KLF13: variants seen among roughly 807,000 people sequenced by gnomAD.
KLF13 encodes the protein KLF transcription factor 13.
A neutral mutation model predicts 16.7 loss-of-function variants in KLF13; 8 were observed. That is an observed-to-expected ratio of 0.48 (90% CI 0.28 to 0.87). The LOEUF (loss-of-function observed/expected upper bound fraction) is 0.87, where lower values mean the gene tolerates loss of function less well. KLF13 is among the 40% of genes least tolerant of loss of function. The pLI, the probability that KLF13 is intolerant of heterozygous loss-of-function variation, is 0.10. For synonymous variants in KLF13, 245 were observed against 208.4 expected (o/e 1.18, Z -1.51); for missense variants, 447 against 452.2 (o/e 0.99, Z 0.10).
intron 2 of KLF13, among the ~76,000 whole-genome samples, chr15:31,402,631 AG>A (rs1595500950): frequency 1.3e-5 from 2 of 152,188 alleles, no homozygotes; most frequent in Non-Finnish European, 2.9e-5. Flanking sequence ...TCCCACCGCC[AG>A]GAGCGGAGGA....
chr15:31,395,812 G>C (rs1015491426), intron 2 of KLF13, among the ~76,000 whole-genome samples: 1 of 152,122 alleles, frequency 6.6e-6, no homozygotes, highest in Non-Finnish European at 1.5e-5. Flanking sequence ...AAATAAAAAT[G>C]GGGGAGGGAA....
intron 1 of KLF13, among the ~76,000 whole-genome samples, chr15:31,423,176 CATATATACGTATATATATATATCA>C (rs2040365041): frequency 5.9e-5 from 1 of 17,000 alleles, no homozygotes; most frequent in Non-Finnish European, 9.8e-5. Context: ...TATATATATA[CATATATACGTATATATATATATCA>C]GTAGCTCACT....
chr15:31,352,571 T>C (rs1180952262), intron 1 of KLF13, among the ~76,000 whole-genome samples: 1 of 152,176 alleles, frequency 6.6e-6, no homozygotes, highest in Non-Finnish European at 1.5e-5. Context: ...CTCCTGGCCC[T>C]GTGCTGGCCC....
downstream of KLF13, among the ~76,000 whole-genome samples, chr15:31,380,795 C>A (rs564531090): frequency 6.6e-6 from 1 of 152,352 alleles, no homozygotes; most frequent in African/African-American, 2.4e-5. Flanking sequence ...TCCACCGTTA[C>A]GCATCAGAGA....
At chr15:31,426,799 G>A (rs1314715578) in intron 1 of KLF13, among the ~76,000 whole-genome samples, 1 of 152,208 alleles carries the variant, frequency 6.6e-6, no homozygotes, top group Non-Finnish European at 1.5e-5. Flanking sequence ...GTGCAAGTCA[G>A]TGGACCATAT....
intron 1 of KLF13, among the ~76,000 whole-genome samples, chr15:31,345,729 G>A (rs2039104188): frequency 1.3e-5 from 2 of 152,200 alleles, no homozygotes; most frequent in African/African-American, 4.8e-5. Flanking sequence ...CGCAGCCTGA[G>A]ACTGACCACA....
At chr15:31,401,375 C>T (rs1476658049) in intron 2 of KLF13, among the ~76,000 whole-genome samples, 1 of 152,204 alleles carries the variant, frequency 6.6e-6, no homozygotes, top group Non-Finnish European at 1.5e-5. Flanking sequence ...GTCCCTTGGG[C>T]CTGCTTTTTG....
intron 1 of KLF13, among the ~76,000 whole-genome samples, chr15:31,349,409 C>T (rs1380214613): frequency 6.6e-6 from 1 of 152,230 alleles, no homozygotes; most frequent in Non-Finnish European, 1.5e-5. Context: ...CCCTGTCAGG[C>T]AGTAGTGGTA....
At chr15:31,345,743 G>C (rs1038278734) in intron 1 of KLF13, among the ~76,000 whole-genome samples, 8 of 152,212 alleles carry the variant, frequency 5.3e-5, no homozygotes, top group Non-Finnish European at 1.0e-4. Context: ...GACCACACCA[G>C]GGCTTAGTGT....
intron 1 of KLF13, chr15:31,420,065 T>C: frequency 2.9e-6 from 1 of 345,612 alleles, no homozygotes; most frequent in South Asian, 2.5e-5. Flanking sequence ...AAAAACCTTT[T>C]GTCAACCAAG....
intron 1 of KLF13, chr15:31,420,123 G>A: frequency 2.5e-6 from 1 of 403,552 alleles, no homozygotes; most frequent in Non-Finnish European, 4.7e-6. Context: ...GGAGAAGGCA[G>A]CCAAGTGGTC....
chr15:31,331,337 C>G (rs967587796), intron 1 of KLF13, among the ~76,000 whole-genome samples: 1 of 152,202 alleles, frequency 6.6e-6, no homozygotes, highest in African/African-American at 2.4e-5. Context: ...AGAGTAAGAT[C>G]ACATTCTGTC....
At chr15:31,409,742 A>G (rs1340042170) in intron 1 of KLF13, among the ~76,000 whole-genome samples, 2 of 152,240 alleles carry the variant, frequency 1.3e-5, no homozygotes, top group Non-Finnish European at 2.9e-5. Context: ...TTTAAACTAC[A>G]GAAAGACAAA....
At chr15:31,337,424 T>C (rs2038949044) in intron 1 of KLF13, among the ~76,000 whole-genome samples, 1 of 152,244 alleles carries the variant, frequency 6.6e-6, no homozygotes, top group Non-Finnish European at 1.5e-5. Flanking sequence ...GGTTTTATTA[T>C]CTTTTCCAGA....
chr15:31,337,413 A>T (rs943869537), intron 1 of KLF13, among the ~76,000 whole-genome samples: 1 of 152,208 alleles, frequency 6.6e-6, no homozygotes, highest in Non-Finnish European at 1.5e-5. Flanking sequence ...AAGATGCCCA[A>T]GGTTTTATTA....
intron 1 of KLF13, among the ~76,000 whole-genome samples, chr15:31,411,538 G>A (rs1217335506): frequency 6.6e-6 from 1 of 151,402 alleles, no homozygotes; most frequent in East Asian, 1.9e-4. Context: ...TGGGACTACA[G>A]GCGCCTGCCA....
At chr15:31,366,235 C>G (rs2039469909) in intron 1 of KLF13, 1 of 152,312 alleles carries the variant, frequency 6.6e-6, no homozygotes, top group Non-Finnish European at 1.5e-5. Flanking sequence ...GGCTTAGCCC[C>G]TCTCCCAGCT....
chr15:31,385,155 C>T (rs897609330), intron 1 of KLF13, among the ~76,000 whole-genome samples: 12 of 152,132 alleles, frequency 7.9e-5, no homozygotes, highest in Non-Finnish European at 1.6e-4. Flanking sequence ...TGGATCTGTC[C>T]GCACCTTGAT....
chr15:31,349,163 G>A (rs185078773), intron 1 of KLF13, among the ~76,000 whole-genome samples: 1 of 152,296 alleles, frequency 6.6e-6, no homozygotes, highest in East Asian at 1.9e-4. Flanking sequence ...ATCCTCTGCA[G>A]GCCTACTCCC....
Sources: gnomAD v4.1 joint callset for allele counts (sites outside exome capture counted in the v4.1 genomes callset) on GRCh38, gnomAD v4.1.1 for gene constraint, MANE v1.5 for transcripts, NCBI Gene and HGNC (gene_info 2026-07-23, HGNC 2026-07-21) for gene names.